CLASP1: variants seen among roughly 807,000 people sequenced by gnomAD.
CLASP1 encodes the protein cytoplasmic linker associated protein 1, also known as CLIP-associating protein 1.
In CLASP1, 38 loss-of-function variants were observed where a neutral mutation model predicts 192.3. The ratio of observed to expected loss-of-function variants is 0.20; its 90% CI spans 0.15 to 0.26. The LOEUF (loss-of-function observed/expected upper bound fraction) is 0.26. Among genes scored for constraint, CLASP1 ranks in the 10% least tolerant of loss-of-function variants. CLASP1 has a pLI of 1.00. For missense variants in CLASP1, 1,433 were observed against 1,932.5 expected (o/e 0.74, Z 4.85); for synonymous variants, 691 against 712.8 (o/e 0.97, Z 0.49).
At position 121,617,878 on chromosome 2, in the gene CLASP1, T is replaced by C. The variant is rs1485436854; in HGVS notation, c.-285-11698A>G. Among the ~76,000 whole-genome samples the C allele has an allele frequency of 3.3e-5, 5 of 152,198 alleles. No homozygotes were observed. The East Asian group carries it at 9.6e-4, about 29-fold the overall frequency. On this transcript the variant is annotated intron_variant, in intron 1 of 39. Coordinates refer to ENST00000263710, the Ensembl canonical transcript of CLASP1. ...AATTTGTATCTCCAAGCCAAATACC[T>C]CTGAGCTCTAGTCATATACGCTGGC... is the stretch of plus-strand genomic sequence containing the variant.
intron 2 of CLASP1, among the ~76,000 whole-genome samples, chr2:121,602,467 T>C (rs2063906766): frequency 6.6e-6 from 1 of 152,084 alleles, no homozygotes; most frequent in African/African-American, 2.4e-5. Context: ...TCCTAAAATT[T>C]GTATGGAACC....
exon 25 of CLASP1, chr2:121,407,627 C>A: frequency 6.2e-7 from 1 of 1,613,988 alleles, no homozygotes; most frequent in Non-Finnish European, 8.5e-7. Context: ...GCCATATGAG[C>A]GCTCAGAGCA....
chr2:121,483,303 A>G (rs1276718042), intron 8 of CLASP1, among the ~76,000 whole-genome samples: 1 of 152,200 alleles, frequency 6.6e-6, no homozygotes, highest in Non-Finnish European at 1.5e-5. Context: ...GGATGACTAT[A>G]AACATCTACA....
At chr2:121,429,946 G>GT (rs1483452086) in intron 20 of CLASP1, 127 bp downstream of exon 20, 2 of 668,194 alleles carry the variant, frequency 3.0e-6, no homozygotes, top group African/African-American at 1.8e-5. Context: ...ATTACTCACA[G>GT]TATCTCAGAG....
intron 16 of CLASP1, among the ~76,000 whole-genome samples, chr2:121,450,158 T>A (rs768010074): frequency 6.6e-6 from 1 of 151,914 alleles, no homozygotes; most frequent in Non-Finnish European, 1.5e-5. Context: ...GGTGAAACCA[T>A]GTGTCTACTA....
At chr2:121,389,959 G>A (rs1574207000) in intron 30 of CLASP1, among the ~76,000 whole-genome samples, 1 of 140,326 alleles carries the variant, frequency 7.1e-6, no homozygotes, top group African/African-American at 2.5e-5. Context: ...CTGCAGCCTC[G>A]AACTCCTGTG....
intron 8 of CLASP1, among the ~76,000 whole-genome samples, chr2:121,489,171 C>T (rs1400495005): frequency 6.6e-6 from 1 of 152,150 alleles, no homozygotes; most frequent in East Asian, 1.9e-4. Context: ...TATTGATTTC[C>T]TGCAGCAGTT....
At chr2:121,467,246 T>C (rs1030857839) in intron 9 of CLASP1, among the ~76,000 whole-genome samples, 3 of 152,218 alleles carry the variant, frequency 2.0e-5, no homozygotes, top group Non-Finnish European at 4.4e-5. Flanking sequence ...TCTTTGCTAT[T>C]GTGAATAGTG....
At chr2:121,425,145 C>T (rs371460646) in exon 22 of CLASP1, 1 of 1,610,294 alleles carries the variant, frequency 6.2e-7, no homozygotes, top group African/African-American at 1.3e-5. Flanking sequence ...TTACCTAATC[C>T]TATTCGGTTT....
chr2:121,449,182 T>C, intron 16 of CLASP1, 62 bp from the exon 17 acceptor site: 1 of 1,443,604 alleles, frequency 6.9e-7, no homozygotes, highest in African/African-American at 1.4e-5. Flanking sequence ...TTTGCTGAAC[T>C]CTGGAGTACA....
intron 12 of CLASP1, 63 bp downstream of exon 12, chr2:121,459,917 C>G: frequency 6.8e-7 from 1 of 1,460,022 alleles, no homozygotes; most frequent in Non-Finnish European, 9.2e-7. Flanking sequence ...TTCAAGGAGA[C>G]ATCTCTGAAG....
intron 2 of CLASP1, among the ~76,000 whole-genome samples, chr2:121,549,113 A>C (rs1185543329): frequency 6.6e-6 from 1 of 152,242 alleles, no homozygotes; most frequent in Non-Finnish European, 1.5e-5. Context: ...TAAATGGGCT[A>C]AATGCCCCCA....
chr2:121,404,535 T>G, intron 25 of CLASP1, 101 bp from the exon 27 acceptor site: 1 of 1,043,502 alleles, frequency 9.6e-7, no homozygotes, highest in Non-Finnish European at 1.4e-6. Context: ...GGTGCGATCA[T>G]AGCTCACTAC....
chr2:121,340,313 T>C (rs1222809186), exon 40 of CLASP1: 1 of 152,636 alleles, frequency 6.6e-6, no homozygotes, highest in African/African-American at 2.4e-5. Context: ...TAAAAGGCCA[T>C]CTTCAGACTG....
rs1213058581 is a variant in CLASP1 at position 121,450,995 on chromosome 2, A to G, written c.1446-5T>C. On this transcript the variant is annotated splice_region_variant and splice_polypyrimidine_tract_variant and intron_variant, in intron 15 of 39. Transcript: ENST00000263710. Reference sequence around the variant, plus strand: ...TCAGCTAATACTGATATGTGTCTAGATATTTAGAAAAGAAAGCAGTAACAA... The same window carrying G: ...TCAGCTAATACTGATATGTGTCTAGGTATTTAGAAAAGAAAGCAGTAACAA... 6.4e-7 allele frequency: 1 copy of G among 1,551,482 alleles called. No homozygotes were observed. Among genetic ancestry groups the G allele is most frequent in the African/African-American group, 1.4e-5 (1 of 73,362 alleles).
intron 23 of CLASP1, among the ~76,000 whole-genome samples, chr2:121,414,415 G>A (rs971007438): frequency 2.0e-5 from 3 of 152,092 alleles, no homozygotes; most frequent in Non-Finnish European, 2.9e-5. Context: ...TAAACACACA[G>A]GCACAACAAA....
chr2:121,344,672 T>C (rs1175362887), intron 39 of CLASP1, among the ~76,000 whole-genome samples: 2 of 152,054 alleles, frequency 1.3e-5, no homozygotes, highest in Non-Finnish European at 2.9e-5. Flanking sequence ...CGTGTTCCCA[T>C]AGGCCTGTAA....
At chr2:121,561,104 G>A (rs2059044394) in intron 2 of CLASP1, among the ~76,000 whole-genome samples, 1 of 152,054 alleles carries the variant, frequency 6.6e-6, no homozygotes, top group Non-Finnish European at 1.5e-5. Flanking sequence ...ACAGGGTTTT[G>A]CCATGTTGGC....
intron 2 of CLASP1, among the ~76,000 whole-genome samples, chr2:121,568,324 C>T (rs893516702): frequency 6.6e-6 from 1 of 151,926 alleles, no homozygotes; most frequent in African/African-American, 2.4e-5. Context: ...AACCACTGGA[C>T]CAGAGAGGGG....
Sources: allele counts gnomAD v4.1 joint callset (sites outside exome capture counted in the v4.1 genomes callset), GRCh38; gene constraint gnomAD v4.1.1; transcripts MANE v1.5; gene names NCBI Gene and HGNC (gene_info 2026-07-23, HGNC 2026-07-21).